The following SYNPO variants were observed in gnomAD, a reference collection of about 807,000 sequenced individuals.
The protein encoded by SYNPO is synaptopodin.
A neutral mutation model predicts 49.5 loss-of-function variants in SYNPO; 19 were observed. The observed-to-expected ratio is 0.38, with a 90% CI of 0.27 to 0.56. SYNPO has a LOEUF of 0.56. Ranked by LOEUF, SYNPO falls within the 20% of genes least tolerant of loss-of-function variation. The pLI is 0.68. For missense variants in SYNPO, 1,131 were observed against 1,248.3 expected (o/e 0.91, Z 1.42); for synonymous variants, 536 against 548.0 (o/e 0.98, Z 0.31).
At chr5:150,620,378 C>T (rs1167214806) in intron 2 of SYNPO, among the ~76,000 whole-genome samples, 2 of 152,164 alleles carry the variant, frequency 1.3e-5, no homozygotes, top group African/African-American at 4.8e-5. Flanking sequence ...GAGCTTTACC[C>T]TTTTCATTTC....
intron 2 of SYNPO, among the ~76,000 whole-genome samples, chr5:150,623,476 G>A (rs965401581): frequency 1.3e-5 from 2 of 152,124 alleles, no homozygotes; most frequent in Admixed American, 6.5e-5. Context: ...CAGGGTTAGC[G>A]ATACCCCAAC....
chr5:150,607,029 A>G (rs537650858), intron 1 of SYNPO, among the ~76,000 whole-genome samples: 46 of 145,822 alleles, frequency 3.2e-4, no homozygotes, highest in Non-Finnish European at 4.1e-4. Context: ...TTCATCCTAC[A>G]TTGGGGGGAG....
intron 2 of SYNPO, chr5:150,624,867 G>A: frequency 1.0e-6 from 1 of 985,236 alleles, no homozygotes; most frequent in Non-Finnish European, 1.2e-6. Context: ...TGCCGAGGCG[G>A]CGGCGCCCGG....
chr5:150,646,539 T>A (rs998460307), intron 1 of SYNPO, among the ~76,000 whole-genome samples: 1 of 151,646 alleles, frequency 6.6e-6, no homozygotes, highest in East Asian at 1.9e-4. Flanking sequence ...CTAAGCAACA[T>A]GGTGAAACCC....
the SYNPO span, among the ~76,000 whole-genome samples, chr5:150,594,994 G>GCTT: frequency 6.6e-6 from 1 of 152,128 alleles, no homozygotes; most frequent in African/African-American, 2.4e-5. Context: ...AGGCATGATT[G>GCTT]CTTCACTTGT....
chr5:150,614,864 G>A (rs1015250742), intron 1 of SYNPO: 4 of 152,228 alleles, frequency 2.6e-5, no homozygotes, highest in African/African-American at 9.7e-5. Context: ...GAGCTGTGGG[G>A]GTCCCTGGAG....
intron 1 of SYNPO, among the ~76,000 whole-genome samples, chr5:150,644,233 G>A (rs1758011536): frequency 6.6e-6 from 1 of 151,822 alleles, no homozygotes; most frequent in South Asian, 2.1e-4. Context: ...GCTGAGGAAT[G>A]TTAATTAGTG....
chr5:150,592,199 G>A, the SYNPO span, among the ~76,000 whole-genome samples: 58,174 of 151,836 alleles, frequency 0.38, 11,336 homozygotes, highest in Middle Eastern at 0.52. Context: ...AGAAGAAGAA[G>A]AAAAGATACA....
intron 1 of SYNPO, among the ~76,000 whole-genome samples, chr5:150,609,172 G>A (rs2151347048): frequency 1.3e-5 from 2 of 152,382 alleles, no homozygotes; most frequent in South Asian, 4.1e-4. Flanking sequence ...TGCAGAGCTG[G>A]GAAAGGGTGC....
At chr5:150,631,687 A>G (rs1302885582) in intron 2 of SYNPO, among the ~76,000 whole-genome samples, 1 of 151,918 alleles carries the variant, frequency 6.6e-6, no homozygotes, top group Non-Finnish European at 1.5e-5. Flanking sequence ...TTTCCCTTGG[A>G]TGTCCACCCT....
intron 2 of SYNPO, chr5:150,651,458 A>G: frequency 1.0e-6 from 1 of 1,000,618 alleles, no homozygotes. Context: ...GTAAGTGACA[A>G]GACAGTCCCC....
chr5:150,647,852 C>T (rs746423280), intron 1 of SYNPO, 92 bp from the exon 2 acceptor site: 30 of 1,174,380 alleles, frequency 2.6e-5, no homozygotes, highest in African/African-American at 4.6e-5. Context: ...GTAGGAAGGG[C>T]CGAGGCGACC....
intron 2 of SYNPO, among the ~76,000 whole-genome samples, chr5:150,627,990 T>A (rs1482160573): frequency 6.6e-6 from 1 of 151,026 alleles, no homozygotes; most frequent in East Asian, 1.9e-4. Context: ...GTGGCTCTGC[T>A]AAGTTAGTCG....
intron 2 of SYNPO, among the ~76,000 whole-genome samples, chr5:150,628,052 G>A (rs186078942): frequency 2.0e-4 from 30 of 151,822 alleles, no homozygotes; most frequent in Admixed American, 9.8e-4. Context: ...GTGTGTGTGT[G>A]TGTGTGTGTG....
At chr5:150,624,793 C>A in intron 2 of SYNPO, 1 of 943,814 alleles carries the variant, frequency 1.1e-6, no homozygotes, top group Non-Finnish European at 1.3e-6. Flanking sequence ...GGAGCCTGGG[C>A]CTGGCGCGGG....
rs1757088166 is a variant in SYNPO at position 150,619,590 on chromosome 5, A to G, written c.400+823A>G. 2.0e-5 allele frequency among the ~76,000 whole-genome samples: 3 copies of G among 152,146 alleles called. No individual in the cohort carries two copies. The South Asian group carries it at 6.2e-4, about 32-fold the overall frequency. Reference sequence around the variant, plus strand: ...AATCACCTCCACAGCCAGCCCATGGAAACGCTGAAGTGGGTCCAGATGGGG... The same window carrying G: ...AATCACCTCCACAGCCAGCCCATGGGAACGCTGAAGTGGGTCCAGATGGGG... On this transcript the variant is annotated intron_variant, in intron 2 of 2. Transcript: ENST00000394243.
chr5:150,619,990 G>A (rs147984220), intron 2 of SYNPO, among the ~76,000 whole-genome samples: 2,431 of 152,098 alleles, frequency 0.016, 72 homozygotes, highest in South Asian at 0.087. Context: ...ACCAGAGTCC[G>A]CCCAAATTCA....
At chr5:150,626,462 G>A (rs1757360306) in intron 2 of SYNPO, among the ~76,000 whole-genome samples, 1 of 152,130 alleles carries the variant, frequency 6.6e-6, no homozygotes, top group South Asian at 2.1e-4. Flanking sequence ...TACCACTCTG[G>A]CTTGCAGCCC....
At chr5:150,634,260 A>T (rs531201605) in intron 2 of SYNPO, among the ~76,000 whole-genome samples, 2 of 152,248 alleles carry the variant, frequency 1.3e-5, no homozygotes, top group East Asian at 3.9e-4. Context: ...AGCACCTGCA[A>T]GTTTCTGATC....
Sources: gnomAD v4.1 joint callset for allele counts (sites outside exome capture counted in the v4.1 genomes callset) on GRCh38, gnomAD v4.1.1 for gene constraint, MANE v1.5 for transcripts, NCBI Gene and HGNC (gene_info 2026-07-23, HGNC 2026-07-21) for gene names.